The following PPP2R2D variants were observed in gnomAD, a reference collection of about 807,000 sequenced individuals.
PPP2R2D encodes protein phosphatase 2 regulatory subunit Bdelta.
A neutral mutation model predicts 31.1 loss-of-function variants in PPP2R2D; 9 were observed. That is an observed-to-expected ratio of 0.29 (90% confidence interval 0.17 to 0.51). The LOEUF (loss-of-function observed/expected upper bound fraction) is 0.51, where lower values mean the gene tolerates loss of function less well. Among genes scored for constraint, PPP2R2D ranks in the 20% least tolerant of loss-of-function variants. PPP2R2D has a pLI of 0.98. For synonymous variants in PPP2R2D, 179 were observed against 172.6 expected (o/e 1.04, Z -0.29); for missense variants, 391 against 465.6 (o/e 0.84, Z 1.48).
At chr10:131,901,843 C>T (rs988291148) in intron 2 of PPP2R2D, among the ~76,000 whole-genome samples, 6 of 152,162 alleles carry the variant, frequency 3.9e-5, no homozygotes, top group African/African-American at 1.4e-4. Flanking sequence ...CTGGTTGCCT[C>T]GGCTCCCTGA....
chr10:131,943,355 C>T (rs1346413976), intron 5 of PPP2R2D, among the ~76,000 whole-genome samples: 1 of 152,294 alleles, frequency 6.6e-6, no homozygotes, highest in Non-Finnish European at 1.5e-5. Flanking sequence ...ATATATAATA[C>T]ATACCTCCAG....
At chr10:131,920,499 G>A (rs1421856996) in intron 2 of PPP2R2D, among the ~76,000 whole-genome samples, 2 of 152,238 alleles carry the variant, frequency 1.3e-5, no homozygotes, top group African/African-American at 2.4e-5. Context: ...CTTGTGTCTG[G>A]CATATTTCAC....
the PPP2R2D span, chr10:131,970,836 G>A: frequency 3.3e-5 from 54 of 1,613,956 alleles, no homozygotes; most frequent in Middle Eastern, 6.6e-4. The surrounding 1 kb of genome is among the most constrained non-coding windows in gnomAD (Gnocchi z 4.1). Flanking sequence ...GTCAAGGGGT[G>A]CCCCCGTGAC....
rs782285773 is a variant in PPP2R2D at position 131,945,430 on chromosome 10, C to T, written c.791C>T (p.Ser264Phe). The change falls in exon 7 of 9, where the codon TCC becomes TTC. Residue 264 changes from serine (S) to phenylalanine (F), a missense_variant. By Grantham distance (155) the Ser-to-Phe change is radical (BLOSUM62 -2). This residue lies in a region of PPP2R2D where 123 missense variants were observed against 187.7 expected (regional missense o/e 0.66). Transcript: ENST00000455566. The surrounding 1 kb of genome is among the most constrained non-coding windows in gnomAD (Gnocchi z 4.8). ...KGTIRLCDMR[S>F]SALCDRHSKF... ...ACCATCCGCCTGTGTGACATGCGCT[C>T]CTCGGCCCTGTGCGACAGACACTCC... The T allele has an allele frequency of 6.2e-7, 1 of 1,613,788 alleles. No individual in the cohort carries two copies.
intron 2 of PPP2R2D, among the ~76,000 whole-genome samples, chr10:131,933,326 G>T (rs2036276366): frequency 6.6e-6 from 1 of 152,162 alleles, no homozygotes; most frequent in Non-Finnish European, 1.5e-5. Flanking sequence ...AGTCACTTCA[G>T]CTTTAGGGCC....
chr10:131,941,647 T>C lies in PPP2R2D; in HGVS notation c.477+953T>C, dbSNP rs558067504. On this transcript the variant is annotated intron_variant, in intron 5 of 8. Coordinates refer to ENST00000455566, the MANE Select transcript of PPP2R2D (RefSeq NM_018461.5). The stretch of plus-strand genomic sequence containing the variant: ...GTTTATCAAGTGAAGACTGAGTGAG[T>C]GAGCCCATTCCACATTAGTCTTGGA... Among the ~76,000 whole-genome samples the C allele has an allele frequency of 2.6e-5, 4 of 152,298 alleles. No homozygotes were observed. The South Asian group carries it at 8.3e-4, about 32-fold the overall frequency.
At chr10:131,902,723 T>G (rs915316734) in intron 2 of PPP2R2D, among the ~76,000 whole-genome samples, 3 of 152,218 alleles carry the variant, frequency 2.0e-5, no homozygotes, top group Non-Finnish European at 4.4e-5. Context: ...TGAGAGGGCT[T>G]AATGCTTGCC....
intron 3 of PPP2R2D, chr10:131,934,933 G>A (rs1439075617): frequency 1.5e-5 from 7 of 457,046 alleles, no homozygotes; most frequent in Non-Finnish European, 3.1e-5. Context: ...GCCATGAAGT[G>A]TGAGCAGCTT....
intron 2 of PPP2R2D, among the ~76,000 whole-genome samples, chr10:131,926,884 A>G (rs1318589336): frequency 6.6e-6 from 1 of 152,196 alleles, no homozygotes; most frequent in African/African-American, 2.4e-5. Context: ...ATGGTAGGAA[A>G]CGAACTCGTT....
the PPP2R2D span, among the ~76,000 whole-genome samples, chr10:131,965,635 G>A: frequency 1.3e-5 from 2 of 152,086 alleles, no homozygotes; most frequent in African/African-American, 2.4e-5. Flanking sequence ...TAGTAGAGAC[G>A]GGGTTTCACC....
the PPP2R2D span, chr10:131,968,323 T>G: frequency 2.1e-6 from 1 of 481,750 alleles, no homozygotes; most frequent in East Asian, 3.2e-5. Flanking sequence ...TCTGACATGC[T>G]TATTGATCCC....
intron 2 of PPP2R2D, among the ~76,000 whole-genome samples, chr10:131,927,275 A>C (rs1241699835): frequency 1.3e-4 from 20 of 150,498 alleles, no homozygotes; most frequent in Admixed American, 1.3e-3. Context: ...AGGAAGGAGA[A>C]ACTCTCCCCC....
intron 2 of PPP2R2D, among the ~76,000 whole-genome samples, chr10:131,924,901 T>G (rs1318052207): frequency 1.3e-5 from 2 of 152,216 alleles, no homozygotes; most frequent in Admixed American, 1.3e-4. Flanking sequence ...TCCTAAGTAT[T>G]TATTCTTTTT....
intron 5 of PPP2R2D, among the ~76,000 whole-genome samples, chr10:131,943,181 C>T (rs576486391): frequency 6.6e-5 from 10 of 152,306 alleles, no homozygotes; most frequent in African/African-American, 2.4e-4. Flanking sequence ...TGAGCTCTCA[C>T]CTCTGACCAT....
Position 131,952,928 on chromosome 10 carries a change from CG to C in PPP2R2D, c.1083-2748del, listed in dbSNP as rs536290343. 9.7e-3 allele frequency among the ~76,000 whole-genome samples: 279 copies of C among 28,910 alleles called. 4 individuals carry two copies. The highest frequency in any genetic ancestry group is 0.033 in the Middle Eastern group (1 of 30). 19.0% of individuals were successfully genotyped at this position (28,910 alleles called of 152,430 possible). On this transcript the variant is annotated intron_variant, in intron 8 of 8. Transcript: ENST00000455566. ...GGTTCACTGTCTTAGCAGTGACTTG[CG>C]GGGGGGGTCCCTGTCTTATCAGTGA...
In PPP2R2D at chr10:131,940,828, T is replaced by A. The variant is rs2036428626; in HGVS notation, c.477+134T>A. The A allele has an allele frequency of 8.6e-6, 5 of 580,306 alleles. No individual in the cohort carries two copies. The South Asian group carries it at 1.2e-4, about 13-fold the overall frequency. The allele number at this position is 580,306 out of a possible 1,614,324, so 35.9% of individuals were successfully genotyped here. ...AGGTCTGCCTCGTGATTCCTGAAAGTCGTTTGCACTCATGTGTGTGTTTAA... is the reference window on the plus strand; with the variant it reads ...AGGTCTGCCTCGTGATTCCTGAAAGACGTTTGCACTCATGTGTGTGTTTAA... On this transcript the variant is annotated intron_variant, in intron 5 of 8. Transcript: ENST00000455566.
At position 131,955,985 on chromosome 10, in the gene PPP2R2D, G is replaced by A; in HGVS notation, c.*22G>A. Reference sequence around the variant, plus strand: ...CTAGAGACGCGAACGTGAGGACCAAGTCTTGTCTTGCATAGTTAAGCCGGA... The same window carrying A: ...CTAGAGACGCGAACGTGAGGACCAAATCTTGTCTTGCATAGTTAAGCCGGA... On this transcript the variant is annotated 3_prime_UTR_variant, in exon 9 of 9. Coordinates refer to ENST00000455566, the MANE Select transcript of PPP2R2D (RefSeq NM_018461.5). The A allele has an allele frequency of 6.9e-7, 1 of 1,456,814 alleles. No individual in the cohort carries two copies. 90.2% of individuals were successfully genotyped at this position (1,456,814 alleles called of 1,614,324 possible).
chr10:131,935,588 CT>C (rs2036324145), intron 3 of PPP2R2D, among the ~76,000 whole-genome samples: 1 of 152,182 alleles, frequency 6.6e-6, no homozygotes, highest in Non-Finnish European at 1.5e-5. Context: ...CCTGTTGCAG[CT>C]TTATTTTGAT....
rs544919644 is a variant in PPP2R2D, at chr10:131,920,515, A to G, written c.101-13943A>G. On this transcript the variant is annotated intron_variant, in intron 2 of 8. Coordinates refer to ENST00000455566, the MANE Select transcript of PPP2R2D (RefSeq NM_018461.5). ...TTGTGTCTGGCATATTTCACTACACATGATGTTTCAAAGGCTCAGCCATAT... is the reference window on the plus strand; with the variant it reads ...TTGTGTCTGGCATATTTCACTACACGTGATGTTTCAAAGGCTCAGCCATAT... Among the ~76,000 whole-genome samples, 3 of 152,372 alleles carry G rather than the reference A, an allele frequency of 2.0e-5. No individual in the cohort carries two copies. The South Asian group carries it at 6.2e-4, about 32-fold the overall frequency.
Sources: gnomAD v4.1 joint callset for allele counts (sites outside exome capture counted in the v4.1 genomes callset) on GRCh38, gnomAD v4.1.1 for gene constraint, gnomAD v4.1.1 regional missense constraint, Gnocchi (gnomAD v3.1) non-coding constraint, MANE v1.5 for transcripts, NCBI Gene and HGNC (gene_info 2026-07-23, HGNC 2026-07-21) for gene names.